The following OSBPL10 variants were observed in gnomAD, a reference collection of about 807,000 sequenced individuals.
The protein encoded by OSBPL10 is oxysterol binding protein like 10, also known as oxysterol-binding protein-related protein 10.
Under a neutral mutation model 81.7 loss-of-function variants are expected in OSBPL10, and 49 were observed. The ratio of observed to expected loss-of-function variants is 0.60; its 90% CI spans 0.48 to 0.76. OSBPL10 has a LOEUF of 0.76. OSBPL10 is among the 30% of genes least tolerant of loss of function. The pLI is 0.00. For synonymous variants in OSBPL10, 419 were observed against 383.6 expected (o/e 1.09, Z -1.08); for missense variants, 923 against 987.8 (o/e 0.93, Z 0.88).
chr3:31,704,821 C>T (rs890580103), intron 6 of OSBPL10: 4 of 152,312 alleles, frequency 2.6e-5, no homozygotes, highest in African/African-American at 7.2e-5. Context: ...CTCCAGCTGT[C>T]TGCCTTACTC....
At chr3:31,925,768 G>A (rs1182575851) in intron 1 of OSBPL10, among the ~76,000 whole-genome samples, 1 of 152,046 alleles carries the variant, frequency 6.6e-6, no homozygotes, top group Admixed American at 6.6e-5. Context: ...AGCCGAGATT[G>A]TGCCACTGCA....
intron 1 of OSBPL10, among the ~76,000 whole-genome samples, chr3:31,978,103 G>A (rs1372935926): frequency 6.6e-6 from 1 of 152,188 alleles, no homozygotes; most frequent in Non-Finnish European, 1.5e-5. Context: ...CATGCAAGAG[G>A]ACACCAGGGT....
intron 5 of OSBPL10, among the ~76,000 whole-genome samples, chr3:31,739,456 A>G (rs1484611372): frequency 1.3e-5 from 2 of 152,174 alleles, no homozygotes; most frequent in African/African-American, 4.8e-5. Flanking sequence ...CTAAACCCCA[A>G]TGTGACCATA....
chr3:31,664,577 C>T, intron 10 of OSBPL10: 1 of 389,618 alleles, frequency 2.6e-6, no homozygotes. Context: ...AAGCATTTTA[C>T]ATACATAAAC....
At chr3:31,917,214 G>A (rs975881778) in intron 1 of OSBPL10, among the ~76,000 whole-genome samples, 1 of 152,206 alleles carries the variant, frequency 6.6e-6, no homozygotes, top group African/African-American at 2.4e-5. Flanking sequence ...CAGCGTTCAT[G>A]TGAGGTGGGG....
chr3:31,720,881 CAAAAAAAAA>C (rs61492992), intron 6 of OSBPL10, among the ~76,000 whole-genome samples: 4 of 66,312 alleles, frequency 6.0e-5, no homozygotes, highest in Non-Finnish European at 5.7e-5. Context: ...GACTCTGTCT[CAAAAAAAAA>C]AAAAAAAAAA....
At position 31,810,326 on chromosome 3, in the gene OSBPL10, TTTA is replaced by T. The variant is rs531231968; in HGVS notation, c.729+19711_729+19713del. On this transcript the variant is annotated intron_variant, in intron 4 of 11. Coordinates refer to ENST00000396556, the MANE Select transcript of OSBPL10 (RefSeq NM_017784.5). ...GCTGTAAACTTAAAAATGAGTGATT[TTTA>T]TTATATGTAATATGTCTCAATAAAG... Among the ~76,000 whole-genome samples the T allele has an allele frequency of 2.4e-3, 360 of 152,326 alleles. 1 individual carries two copies. The highest frequency in any genetic ancestry group is 0.014 in the Middle Eastern group (4 of 294).
intron 2 of OSBPL10, among the ~76,000 whole-genome samples, chr3:32,035,256 A>T (rs374579707): frequency 6.6e-6 from 1 of 152,300 alleles, no homozygotes; most frequent in Middle Eastern, 3.4e-3. Context: ...TAATAAAACA[A>T]AAACTTACAA....
intron 2 of OSBPL10, among the ~76,000 whole-genome samples, chr3:32,037,136 C>T (rs930820993): frequency 6.6e-6 from 1 of 152,192 alleles, no homozygotes; most frequent in African/African-American, 2.4e-5. Flanking sequence ...TAGAACAGTA[C>T]ATGCTGGAAG....
chr3:31,999,990 C>T (rs750302249), intron 2 of OSBPL10, among the ~76,000 whole-genome samples: 12 of 152,066 alleles, frequency 7.9e-5, no homozygotes, highest in East Asian at 1.9e-4. Context: ...TCTAGTGGTG[C>T]GGCCTCAGCT....
chr3:32,026,829 C>T (rs1044663181), intron 2 of OSBPL10, among the ~76,000 whole-genome samples: 7 of 152,126 alleles, frequency 4.6e-5, no homozygotes, highest in African/African-American at 1.4e-4. Flanking sequence ...CCCATAGAGC[C>T]CACTTCACTT....
At chr3:31,812,986 C>T (rs956545012) in intron 4 of OSBPL10, among the ~76,000 whole-genome samples, 1 of 152,004 alleles carries the variant, frequency 6.6e-6, no homozygotes, top group Admixed American at 6.6e-5. Flanking sequence ...CTTATTTTAT[C>T]CCTTCTAGAC....
chr3:31,956,899 G>A (rs528799582), intron 1 of OSBPL10, among the ~76,000 whole-genome samples: 59 of 152,260 alleles, frequency 3.9e-4, no homozygotes, highest in African/African-American at 9.9e-4. Flanking sequence ...TTGGGAGCCT[G>A]AGGTGGGCAG....
intron 7 of OSBPL10, among the ~76,000 whole-genome samples, chr3:31,687,810 G>A (rs1251241765): frequency 6.6e-6 from 1 of 152,024 alleles, no homozygotes; most frequent in African/African-American, 2.4e-5. Flanking sequence ...ATGGTGCCTT[G>A]TGCCTGTAAT....
chr3:31,959,467 T>G (rs1256189202), intron 1 of OSBPL10, among the ~76,000 whole-genome samples: 1 of 152,172 alleles, frequency 6.6e-6, no homozygotes, highest in Admixed American at 6.5e-5. Context: ...AAACACAATC[T>G]GTTAATACCC....
intron 1 of OSBPL10, among the ~76,000 whole-genome samples, chr3:32,071,961 T>C (rs556450738): frequency 2.0e-5 from 3 of 152,272 alleles, no homozygotes; most frequent in African/African-American, 7.2e-5. Context: ...CAGGCCTAAT[T>C]GCCACTCACC....
At chr3:31,791,173 C>G (rs1485866654) in intron 4 of OSBPL10, among the ~76,000 whole-genome samples, 1 of 152,178 alleles carries the variant, frequency 6.6e-6, no homozygotes, top group Non-Finnish European at 1.5e-5. Context: ...ACTGGAACAG[C>G]CTGTTTTTCT....
At chr3:32,032,093 C>G (rs1435697546) in intron 2 of OSBPL10, among the ~76,000 whole-genome samples, 1 of 152,044 alleles carries the variant, frequency 6.6e-6, no homozygotes, top group East Asian at 1.9e-4. Flanking sequence ...TGAGACCAAC[C>G]TGGGCAATAT....
chr3:31,933,907 G>T (rs534739877), intron 1 of OSBPL10, among the ~76,000 whole-genome samples: 18 of 151,750 alleles, frequency 1.2e-4, no homozygotes, highest in Non-Finnish European at 2.4e-4. Flanking sequence ...AAAGAAGACA[G>T]AAAAAAGTGT....
Sources: gnomAD v4.1 joint callset for allele counts (sites outside exome capture counted in the v4.1 genomes callset) on GRCh38, gnomAD v4.1.1 for gene constraint, MANE v1.5 for transcripts, NCBI Gene and HGNC (gene_info 2026-07-23, HGNC 2026-07-21) for gene names.